STX7: variants seen among roughly 807,000 people sequenced by gnomAD.
STX7 encodes the protein syntaxin-7.
In STX7, 34 loss-of-function variants were observed where a neutral mutation model predicts 39.6. That is an observed-to-expected ratio of 0.86 (90% confidence interval 0.65 to 1.14). STX7 has a LOEUF of 1.14. STX7 is among the 50% of genes most tolerant of loss of function. The probability of loss-of-function intolerance (pLI) is 0.00; values close to 1 mark genes in which losing one functional copy is unlikely to be tolerated. For missense variants in STX7, 284 were observed against 310.4 expected, an observed-to-expected ratio of 0.92 and a Z score of 0.64; for synonymous variants, 119 against 99.1, an observed-to-expected ratio of 1.20 and a Z score of -1.19.
chr6:132,503,252 T>C (rs974101720), intron 2 of STX7, among the ~76,000 whole-genome samples, 194 bp downstream of exon 2: 1 of 152,234 alleles, frequency 6.6e-6, no homozygotes, highest in East Asian at 1.9e-4. Context: ...TGACTTCCTA[T>C]AGAAAAATGC....
intron 1 of STX7, among the ~76,000 whole-genome samples, chr6:132,512,750 G>A (rs574862869): frequency 6.6e-6 from 1 of 152,242 alleles, no homozygotes; most frequent in South Asian, 2.1e-4. Context: ...TGGCTGGGTA[G>A]GCCCACCTGA....
At position 132,447,666 on chromosome 6, in the gene STX7, T is replaced by C. The variant is rs1230078541; in HGVS notation, c.*13092A>G. The C allele has an allele frequency of 2.0e-5, 3 of 152,170 alleles. No individual in the cohort carries two copies. Among genetic ancestry groups the C allele is most frequent in the Admixed American group, 6.5e-5 (1 of 15,286 alleles). The allele number at this position is 152,170 out of a possible 1,614,324, so 9.4% of individuals were successfully genotyped here. A position where few individuals can be genotyped will look rare whatever the true frequency, so the allele number is the denominator to read the frequency against. ...ATTTTTGAGAGTCTCCTTATCCTTA[T>C]TAATGCTTTTCACTTTAATATTTGT... On this transcript the variant is annotated 3_prime_UTR_variant, in exon 10 of 10. Coordinates refer to ENST00000367941, the MANE Select transcript of STX7 (RefSeq NM_003569.3).
chr6:132,456,069 T>A lies in STX7; in HGVS notation c.*4689A>T, dbSNP rs1175103410. 1 of 152,178 alleles carries A rather than the reference T, an allele frequency of 6.6e-6. No homozygotes were observed. Among genetic ancestry groups the A allele is most frequent in the Admixed American group, 6.5e-5 (1 of 15,278 alleles). The allele number at this position is 152,178 out of a possible 1,614,324, so 9.4% of individuals were successfully genotyped here. A position where few individuals can be genotyped will look rare whatever the true frequency, so the allele number is the denominator to read the frequency against. On this transcript the variant is annotated 3_prime_UTR_variant, in exon 10 of 10. Coordinates refer to ENST00000367941, the MANE Select transcript of STX7 (RefSeq NM_003569.3). Reference sequence around the variant, plus strand: ...CTATTTGGGGCAGTAATTCTATACATATCCTGTAAATGTCTGTCCTGATGA... The same window carrying A: ...CTATTTGGGGCAGTAATTCTATACAAATCCTGTAAATGTCTGTCCTGATGA...
intron 2 of STX7, among the ~76,000 whole-genome samples, chr6:132,500,986 T>C (rs1775544467): frequency 6.6e-6 from 1 of 152,194 alleles, no homozygotes; most frequent in Admixed American, 6.5e-5. Context: ...GACATATGGC[T>C]TCTGTTTCAC....
At position 132,454,485 on chromosome 6, in the gene STX7, A is replaced by C. The variant is rs533523308; in HGVS notation, c.*6273T>G. 1 of 152,326 alleles carries C rather than the reference A, an allele frequency of 6.6e-6. No homozygotes were observed. Among genetic ancestry groups the C allele is most frequent in the Admixed American group, 6.5e-5 (1 of 15,296 alleles). The allele number at this position is 152,326 out of a possible 1,614,324, so 9.4% of individuals were successfully genotyped here. A position where few individuals can be genotyped will look rare whatever the true frequency, so the allele number is the denominator to read the frequency against. ...GGTACACGAAAGAGGTCTCTGTATT[A>C]TTTCTTACAACAGCATGTGAATCTA... On this transcript the variant is annotated 3_prime_UTR_variant, in exon 10 of 10. Transcript: ENST00000367941.
intron 2 of STX7, among the ~76,000 whole-genome samples, chr6:132,489,200 TAA>T (rs745673648): frequency 0.041 from 3,403 of 82,994 alleles, 57 homozygotes; most frequent in South Asian, 0.086. Context: ...GACTCTGTCT[TAA>T]AAAAAAAAAA....
At chr6:132,470,471 TTATGA>T in intron 6 of STX7, 98 bp downstream of exon 6, 1 of 780,500 alleles carries the variant, frequency 1.3e-6, no homozygotes, top group South Asian at 2.5e-5. Context: ...CTTAGGATAT[TTATGA>T]TATAATATAT....
chr6:132,509,665 T>C (rs1263776101), intron 1 of STX7, among the ~76,000 whole-genome samples: 1 of 152,114 alleles, frequency 6.6e-6, no homozygotes, highest in South Asian at 2.1e-4. Context: ...GCTTACTCCT[T>C]TTCTCTATTA....
intron 2 of STX7, among the ~76,000 whole-genome samples, chr6:132,485,337 T>C (rs1775107513): frequency 6.6e-6 from 1 of 152,222 alleles, no homozygotes. Flanking sequence ...AGCCTAATTA[T>C]TTTATGATTC....
intron 2 of STX7, among the ~76,000 whole-genome samples, chr6:132,484,983 AAT>A (rs1264627556): frequency 2.0e-5 from 3 of 152,208 alleles, no homozygotes; most frequent in Non-Finnish European, 4.4e-5. Flanking sequence ...AGAAATGAAT[AAT>A]AGGAATATTC....
intron 8 of STX7, 54 bp downstream of exon 8, chr6:132,468,349 G>C: frequency 7.4e-7 from 1 of 1,357,324 alleles, no homozygotes; most frequent in Non-Finnish European, 1.0e-6. Context: ...GTTACAGCAG[G>C]TAAAGTGCAT....
chr6:132,504,774 G>A lies in STX7; in HGVS notation c.-58-1186C>T, dbSNP rs183618098. Among the ~76,000 whole-genome samples, 21 of 152,328 alleles carry A rather than the reference G, an allele frequency of 1.4e-4. 1 individual carries two copies. The highest frequency in any genetic ancestry group is 6.8e-3 in the Middle Eastern group (2 of 294). On this transcript the variant is annotated intron_variant, in intron 1 of 9. Transcript: ENST00000367941. Reference sequence around the variant, plus strand: ...AAAAGATCACGTGCTAGGCTAAAATGAGAAGGGCTACAAAAAGAAAAAATG... The same window carrying A: ...AAAAGATCACGTGCTAGGCTAAAATAAGAAGGGCTACAAAAAGAAAAAATG...
chr6:132,469,546 TC>T (rs1774656915), intron 7 of STX7, among the ~76,000 whole-genome samples: 1 of 152,188 alleles, frequency 6.6e-6, no homozygotes. Context: ...ACATTAATTT[TC>T]TTTCTCTGGG....
intron 3 of STX7, 27 bp from the exon 4 acceptor site, chr6:132,472,402 C>A (rs1774749950): frequency 6.5e-7 from 1 of 1,548,200 alleles, no homozygotes; most frequent in Non-Finnish European, 8.9e-7. Flanking sequence ...CGCATTACAG[C>A]CAAAGGACTA....
Position 132,455,737 on chromosome 6 carries a change from T to C in STX7, c.*5021A>G, listed in dbSNP as rs1189937943. Reference sequence around the variant, plus strand: ...TTTCTGCATTTAAAATTAGGATTATTTGGAGAAAAATATTACATAATATTC... The same window carrying C: ...TTTCTGCATTTAAAATTAGGATTATCTGGAGAAAAATATTACATAATATTC... On this transcript the variant is annotated 3_prime_UTR_variant, in exon 10 of 10. Transcript: ENST00000367941. 6.6e-6 allele frequency: 1 copy of C among 152,130 alleles called. No homozygotes were observed. The highest frequency in any genetic ancestry group is 6.6e-5 in the Admixed American group (1 of 15,262). The allele number at this position is 152,130 out of a possible 1,614,324, so 9.4% of individuals were successfully genotyped here. A position where few individuals can be genotyped will look rare whatever the true frequency, so the allele number is the denominator to read the frequency against.
At chr6:132,490,290 G>C (rs1156596598) in intron 2 of STX7, among the ~76,000 whole-genome samples, 1 of 152,170 alleles carries the variant, frequency 6.6e-6, no homozygotes, top group African/African-American at 2.4e-5. Context: ...TTGTTGTCAC[G>C]AGTTCCCCTC....
In STX7 at chr6:132,464,061, T is replaced by C; in HGVS notation, c.625A>G (p.Asn209Asp). ...QGDVIDSIEA[N>D]VENAEVHVQQ... ...ACGTGCACCTCTGCATTTTCCACAT[T>C]GGCTTCTATGCTATCTGTAAAATAA... Residue 209 changes from asparagine (N) to aspartate (D), a missense_variant, in exon 9 of 10, where the codon AAT (asparagine) becomes GAT (aspartate). Asn to Asp is a conservative substitution (Grantham distance 23). Transcript: ENST00000367941. 6.2e-7 allele frequency: 1 copy of C among 1,614,030 alleles called. No individual in the cohort carries two copies. The highest frequency in any genetic ancestry group is 8.5e-7 in the Non-Finnish European group (1 of 1,179,952).
chr6:132,481,684 A>C (rs1775018670), intron 2 of STX7, among the ~76,000 whole-genome samples: 1 of 152,198 alleles, frequency 6.6e-6, no homozygotes, highest in African/African-American at 2.4e-5. Context: ...ATGAACAGAA[A>C]TGGAAGACAA....
At position 132,456,368 on chromosome 6, in the gene STX7, A is replaced by G. The variant is rs1774244026; in HGVS notation, c.*4390T>C. Reference sequence around the variant, plus strand: ...TCACACAGCTATTTCCCTTCTTTTAACACACCAAGTTCTTTTTATATGCCA... The same window carrying G: ...TCACACAGCTATTTCCCTTCTTTTAGCACACCAAGTTCTTTTTATATGCCA... On this transcript the variant is annotated 3_prime_UTR_variant, in exon 10 of 10. Transcript: ENST00000367941. The G allele has an allele frequency of 1.3e-5, 2 of 152,244 alleles. No homozygotes were observed. The highest frequency in any genetic ancestry group is 1.3e-4 in the Admixed American group (2 of 15,278). 9.4% of individuals were successfully genotyped at this position (152,244 alleles called of 1,614,324 possible). A position where few individuals can be genotyped will look rare whatever the true frequency, so the allele number is the denominator to read the frequency against.
Sources: gnomAD v4.1 joint callset for allele counts (sites outside exome capture counted in the v4.1 genomes callset) on GRCh38, gnomAD v4.1.1 for gene constraint, MANE v1.5 for transcripts, NCBI Gene and HGNC (gene_info 2026-07-23, HGNC 2026-07-21) for gene names.